The following ZNF7 variants were observed in gnomAD, a reference collection of about 807,000 sequenced individuals.
ZNF7 encodes the protein C2-H2 type zinc finger protein.
ZNF7 carries 10 observed loss-of-function variants against 12.0 expected under a neutral mutation model. That is an observed-to-expected ratio of 0.83 (90% CI 0.51 to 1.42). The LOEUF (loss-of-function observed/expected upper bound fraction) is 1.42, where lower values mean the gene tolerates loss of function less well. Among genes scored for constraint, ZNF7 ranks in the 40% most tolerant of loss-of-function variants. The pLI is 0.00. For synonymous variants in ZNF7, 334 were observed against 295.0 expected (o/e 1.13, Z -1.35); for missense variants, 854 against 837.2 (o/e 1.02, Z -0.25).
chr8:144,837,358 C>G (rs775041244), intron 3 of ZNF7, 33 bp from the exon 4 acceptor site: 1 of 1,557,974 alleles, frequency 6.4e-7, no homozygotes, highest in Non-Finnish European at 8.8e-7. Flanking sequence ...TCCCGTCATG[C>G]TGACACTGTT....
intron 3 of ZNF7, 41 bp downstream of exon 3, chr8:144,829,645 T>C: frequency 6.3e-7 from 1 of 1,575,716 alleles, no homozygotes; most frequent in South Asian, 1.2e-5. Context: ...GCATCATCAG[T>C]CAGCACCCAC....
chr8:144,836,073 T>C (rs1440995731), intron 3 of ZNF7: 2 of 152,242 alleles, frequency 1.3e-5, no homozygotes, highest in East Asian at 3.8e-4. Flanking sequence ...TTTCTGGGTA[T>C]AGTGGCATAT....
chr8:144,836,134 CCAG>C (rs549555854), intron 3 of ZNF7: 276 of 152,240 alleles, frequency 1.8e-3, no homozygotes, highest in African/African-American at 6.3e-3. Context: ...TTGTTTGAGC[CCAG>C]GAGTTTGAGG....
chr8:144,832,668 C>T (rs1163976504), intron 3 of ZNF7, among the ~76,000 whole-genome samples: 2 of 152,018 alleles, frequency 1.3e-5, no homozygotes, highest in African/African-American at 4.8e-5. Flanking sequence ...GCAGAGGTTG[C>T]ACTGAGCCGA....
chr8:144,830,963 C>G (rs933829918), intron 3 of ZNF7: 9 of 456,616 alleles, frequency 2.0e-5, no homozygotes, highest in Non-Finnish European at 4.0e-5. Flanking sequence ...GTTTGGTTAT[C>G]TGTGTCCATG....
Position 144,843,538 on chromosome 8 carries a change from A to C in ZNF7, c.*370A>C, listed in dbSNP as rs2130737786. The C allele has an allele frequency of 6.7e-6, 1 of 149,506 alleles. No homozygotes were observed. Among genetic ancestry groups the C allele is most frequent in the Non-Finnish European group, 1.4e-5 (1 of 70,528 alleles). The allele number at this position is 149,506 out of a possible 1,614,324, so 9.3% of individuals were successfully genotyped here. A position where few individuals can be genotyped will look rare whatever the true frequency, so the allele number is the denominator to read the frequency against. On this transcript the variant is annotated 3_prime_UTR_variant, in exon 5 of 5. Coordinates refer to ENST00000532777, the MANE Select transcript of ZNF7 (RefSeq NM_003416.4). ...AGGAGGCGGAGCTTGCAGTGAGCTG[A>C]GATCGCGCCACTGCACTCCAGCCTG...
At chr8:144,844,253 T>C (rs1427307339), downstream of ZNF7, among the ~76,000 whole-genome samples, 6 of 152,128 alleles carry the variant, frequency 3.9e-5, no homozygotes, top group African/African-American at 1.2e-4. Flanking sequence ...GAACGAGCAC[T>C]CAAGCAAATG....
At position 144,841,617 on chromosome 8, in the gene ZNF7, A is replaced by G; in HGVS notation, c.510A>G (p.Gly170=). ...PKTFTKDAPQ[G]CKELGSSGLD... ...CCTTCACCAAGGACGCACCCCAGGGATGTAAGGAGCTGGGAAGCAGCGGCC... is the reference window on the plus strand; with the variant it reads ...CCTTCACCAAGGACGCACCCCAGGGGTGTAAGGAGCTGGGAAGCAGCGGCC... The change falls in exon 5 of 5, where the codon GGA becomes GGG. Residue 170 remains glycine (G), a synonymous_variant. Coordinates refer to ENST00000532777, the MANE Select transcript of ZNF7 (RefSeq NM_003416.4). 1.2e-6 allele frequency: 2 copies of G among 1,614,194 alleles called. No homozygotes were observed. The highest frequency in any genetic ancestry group is 1.7e-6 in the Non-Finnish European group (2 of 1,180,042).
chr8:144,843,500 A>G lies in ZNF7; in HGVS notation c.*332A>G, dbSNP rs1441885164. On this transcript the variant is annotated 3_prime_UTR_variant, in exon 5 of 5. Coordinates refer to ENST00000532777, the MANE Select transcript of ZNF7 (RefSeq NM_003416.4). ...CTGCTCGGGAGGCTGAGGCAGGAGAATGGCATCAGCCCAGGAGGCGGAGCT... is the reference window on the plus strand; with the variant it reads ...CTGCTCGGGAGGCTGAGGCAGGAGAGTGGCATCAGCCCAGGAGGCGGAGCT... The G allele has an allele frequency of 1.1e-5, 2 of 176,524 alleles. No individual in the cohort carries two copies. The highest frequency in any genetic ancestry group is 1.2e-5 in the Non-Finnish European group (1 of 84,224). The allele number at this position is 176,524 out of a possible 1,614,324, so 10.9% of individuals were successfully genotyped here.
intron 3 of ZNF7, among the ~76,000 whole-genome samples, chr8:144,832,390 T>C (rs1828542087): frequency 1.4e-5 from 1 of 70,560 alleles, no homozygotes; most frequent in African/African-American, 3.8e-5. Context: ...GCCACTGCAC[T>C]CCAGCCTGGG....
chr8:144,832,618 C>T lies in ZNF7; in HGVS notation c.130+3014C>T, dbSNP rs1207146673. On this transcript the variant is annotated intron_variant, in intron 3 of 4. Transcript: ENST00000532777. ...TGGCGGGTGGTTGTAATCTTGGCTTCTCAGGAGGCTGAGGCAGGAGAATTC... is the reference window on the plus strand; with the variant it reads ...TGGCGGGTGGTTGTAATCTTGGCTTTTCAGGAGGCTGAGGCAGGAGAATTC... 6.6e-5 allele frequency among the ~76,000 whole-genome samples: 10 copies of T among 152,058 alleles called. No individual in the cohort carries two copies. In the South Asian group the frequency reaches 1.9e-3, roughly 28 times the overall value.
Position 144,842,067 on chromosome 8 carries a change from C to T in ZNF7, c.960C>T (p.Ser320=), listed in dbSNP as rs142823355. 1.7e-4 allele frequency: 274 copies of T among 1,613,956 alleles called. No homozygotes were observed. In the African/African-American group the frequency reaches 3.5e-3, roughly 21 times the overall value. ...ECGKAFGQSS[S]LIHHQRIHTG... ...GAAAAGCTTTTGGTCAGAGCTCAAG[C>T]CTCATCCACCATCAGAGAATCCACA... is the stretch of plus-strand genomic sequence containing the variant. Residue 320 remains serine (S), a synonymous_variant, in exon 5 of 5, where the codon AGC becomes AGT. Coordinates refer to ENST00000532777, the MANE Select transcript of ZNF7 (RefSeq NM_003416.4).
chr8:144,835,411 C>T (rs971709603), intron 3 of ZNF7: 1 of 152,070 alleles, frequency 6.6e-6, no homozygotes, highest in Non-Finnish European at 1.5e-5. Context: ...CATGTTGCCG[C>T]AGGCTAGTCT....
intron 4 of ZNF7, chr8:144,838,037 G>A: frequency 1.4e-6 from 1 of 697,388 alleles, no homozygotes; most frequent in Non-Finnish European, 2.6e-6. Context: ...GAAACCGGGG[G>A]GTCAGCAAGC....
At chr8:144,838,164 G>C (rs1381836780) in intron 4 of ZNF7, 7 of 702,688 alleles carry the variant, frequency 1.0e-5, no homozygotes, top group African/African-American at 7.0e-5. Context: ...CCCTCACTCT[G>C]ATCTCCGACT....
rs62531520 is a variant in ZNF7, at chr8:144,827,576, C to T, written c.-79C>T. On this transcript the variant is annotated 5_prime_UTR_variant, in exon 1 of 5. Coordinates refer to ENST00000532777, the MANE Select transcript of ZNF7 (RefSeq NM_003416.4). ...CCAAGGCCCGTTTCCGGCGGCGTCG[C>T]GCGTTTGCGAGCCTCGGGTGGTCCT... 1.0e-6 allele frequency: 1 copy of T among 985,702 alleles called. No individual in the cohort carries two copies. Among genetic ancestry groups the T allele is most frequent in the Non-Finnish European group, 1.2e-6 (1 of 830,164 alleles). 61.1% of individuals were successfully genotyped at this position (985,702 alleles called of 1,614,324 possible).
At position 144,842,139 on chromosome 8, in the gene ZNF7, C is replaced by T; in HGVS notation, c.1032C>T (p.Ser344=). Reference sequence around the variant, plus strand: ...GTCGTGAGTGTGGGAAAGCCTTCAGCCAGCAGTCGCAGCTGGTTAGACACC... The same window carrying T: ...GTCGTGAGTGTGGGAAAGCCTTCAGTCAGCAGTCGCAGCTGGTTAGACACC... ...YGCRECGKAF[S]QQSQLVRHQR... is the part of the protein sequence containing the mutation. Residue 344 remains serine, a synonymous_variant, in exon 5 of 5, where the codon AGC becomes AGT. Transcript: ENST00000532777. 1 of 1,613,760 alleles carries T rather than the reference C, an allele frequency of 6.2e-7. No homozygotes were observed. Among genetic ancestry groups the T allele is most frequent in the African/African-American group, 1.3e-5 (1 of 74,904 alleles).
intron 3 of ZNF7, chr8:144,835,960 G>C (rs1828935536): frequency 6.6e-6 from 1 of 152,228 alleles, no homozygotes; most frequent in African/African-American, 2.4e-5. Flanking sequence ...TTACAGGTGT[G>C]AGCCACCACG....
At chr8:144,835,376 C>T (rs994860178) in intron 3 of ZNF7, 7 of 151,646 alleles carry the variant, frequency 4.6e-5, no homozygotes, top group East Asian at 3.9e-4. Flanking sequence ...GCTGTTTTTT[C>T]TTTCTTTGTA....
Sources: allele counts gnomAD v4.1 joint callset (sites outside exome capture counted in the v4.1 genomes callset), GRCh38; gene constraint gnomAD v4.1.1; transcripts MANE v1.5; gene names NCBI Gene and HGNC (gene_info 2026-07-23, HGNC 2026-07-21).